RANBP17: variants seen among roughly 807,000 people sequenced by gnomAD.
The protein encoded by RANBP17 is ran-binding protein 17.
A neutral mutation model predicts 141.2 loss-of-function variants in RANBP17; 158 were observed. That is an observed-to-expected ratio of 1.12 (90% confidence interval 0.98 to 1.28). The LOEUF (loss-of-function observed/expected upper bound fraction) is 1.28. Among genes scored for constraint, RANBP17 ranks in the 50% most tolerant of loss-of-function variants. RANBP17 has a pLI of 0.00. For synonymous variants in RANBP17, 430 were observed against 450.0 expected (o/e 0.96, Z 0.56); for missense variants, 1,438 against 1,290.7 (o/e 1.11, Z -1.75).
intron 14 of RANBP17, chr5:170,970,577 T>C (rs1169291976): frequency 1.3e-5 from 2 of 152,162 alleles, no homozygotes; most frequent in Non-Finnish European, 2.9e-5. Context: ...TGTTCCATTA[T>C]TGGAACGCTA....
At chr5:170,977,096 C>T (rs1424742301) in intron 14 of RANBP17, among the ~76,000 whole-genome samples, 2 of 151,978 alleles carry the variant, frequency 1.3e-5, no homozygotes, top group African/African-American at 4.8e-5. Context: ...TCATATATTT[C>T]ATAAAGGTCT....
chr5:171,152,410 C>CT (rs955450825), intron 14 of RANBP17, among the ~76,000 whole-genome samples: 2 of 147,602 alleles, frequency 1.4e-5, no homozygotes, highest in Non-Finnish European at 3.0e-5. Flanking sequence ...GAACGAGACT[C>CT]TATCTCAAAA....
chr5:171,185,815 CA>C (rs1561743086), intron 18 of RANBP17, among the ~76,000 whole-genome samples: 2 of 152,178 alleles, frequency 1.3e-5, no homozygotes. Context: ...CACTGAATAA[CA>C]AATGTTCTTA....
At chr5:171,008,596 TA>T (rs1485062632) in intron 14 of RANBP17, among the ~76,000 whole-genome samples, 3 of 152,084 alleles carry the variant, frequency 2.0e-5, no homozygotes, top group Non-Finnish European at 4.4e-5. Flanking sequence ...GTTTTGCGGG[TA>T]GGGGGTGAAT....
At chr5:170,933,405 C>G (rs1252842238) in intron 12 of RANBP17, among the ~76,000 whole-genome samples, 1 of 152,108 alleles carries the variant, frequency 6.6e-6, no homozygotes, top group Non-Finnish European at 1.5e-5. Flanking sequence ...TTTTGTGTCT[C>G]TATTTCCTTC....
In RANBP17 at chr5:171,259,882, G is replaced by GTAATCC. The variant is rs1766171072; in HGVS notation, c.2777-5799_2777-5798insTAATCC. Among the ~76,000 whole-genome samples, 4 of 152,082 alleles carry GTAATCC rather than the reference G, an allele frequency of 2.6e-5. No individual in the cohort carries two copies. In the South Asian group the frequency reaches 6.2e-4, roughly 24 times the overall value. ...TGTAATCCCAGCTACTCAGGAGGCT[G>GTAATCC]CAGCAGGAGAATGGCTTGAACCTGG... On this transcript the variant is annotated intron_variant, in intron 24 of 27. Coordinates refer to ENST00000523189, the MANE Select transcript of RANBP17 (RefSeq NM_022897.5).
At chr5:170,947,455 G>A (rs1405513534) in intron 12 of RANBP17, among the ~76,000 whole-genome samples, 1 of 152,126 alleles carries the variant, frequency 6.6e-6, no homozygotes, top group Non-Finnish European at 1.5e-5. Context: ...AAAATGTTAA[G>A]TGCTAAGATT....
At chr5:170,984,982 GACAC>G (rs1222010452) in intron 14 of RANBP17, among the ~76,000 whole-genome samples, 2 of 151,172 alleles carry the variant, frequency 1.3e-5, no homozygotes, top group Non-Finnish European at 3.0e-5. Context: ...CACACACAAA[GACAC>G]ACACATATAC....
At chr5:171,088,127 G>A (rs1199005633) in intron 14 of RANBP17, among the ~76,000 whole-genome samples, 2 of 151,800 alleles carry the variant, frequency 1.3e-5, no homozygotes, top group African/African-American at 4.8e-5. Flanking sequence ...CATGTTTAGT[G>A]CTTCCTTCAG....
At position 170,865,753 on chromosome 5, in the gene RANBP17, G is replaced by T. The variant is rs1767199559; in HGVS notation, c.18+3702G>T. On this transcript the variant is annotated intron_variant, in intron 1 of 27. Transcript: ENST00000523189. Reference sequence around the variant, plus strand: ...CTTCTCAGACCAAGTGCAAGTTTGGGGGTTTCCCAAAACCACCCTCAGGTT... The same window carrying T: ...CTTCTCAGACCAAGTGCAAGTTTGGTGGTTTCCCAAAACCACCCTCAGGTT... 2.0e-5 allele frequency among the ~76,000 whole-genome samples: 3 copies of T among 152,124 alleles called. No homozygotes were observed. The South Asian group carries it at 6.2e-4, about 32-fold the overall frequency.
At chr5:171,038,499 G>A (rs1782032958) in intron 14 of RANBP17, among the ~76,000 whole-genome samples, 3 of 152,074 alleles carry the variant, frequency 2.0e-5, no homozygotes, top group Non-Finnish European at 4.4e-5. Flanking sequence ...ATAGGGTGGT[G>A]AAAGTGGGCA....
intron 14 of RANBP17, among the ~76,000 whole-genome samples, chr5:171,006,406 C>T (rs1779611178): frequency 6.6e-6 from 1 of 152,132 alleles, no homozygotes; most frequent in Admixed American, 6.5e-5. Flanking sequence ...CCATGGAATA[C>T]TATGCAGCCA....
chr5:170,896,132 A>G lies in RANBP17; in HGVS notation c.489+17A>G. On this transcript the variant is annotated intron_variant, in intron 5 of 27. Transcript: ENST00000523189. ...ATGAACCTGGTAAGCGAGCCTTTCC[A>G]TCTAACAGGAGCCTGAGTTTGCTTA... 6.4e-7 allele frequency: 1 copy of G among 1,564,184 alleles called. No homozygotes were observed. Among genetic ancestry groups the G allele is most frequent in the South Asian group, 1.2e-5 (1 of 86,494 alleles).
intron 14 of RANBP17, among the ~76,000 whole-genome samples, chr5:171,090,233 G>A (rs1048845344): frequency 1.3e-5 from 2 of 152,192 alleles, no homozygotes; most frequent in African/African-American, 4.8e-5. Flanking sequence ...GGCTGAGGTG[G>A]TCTCAGATGG....
chr5:171,242,895 C>A, intron 24 of RANBP17, 75 bp downstream of exon 24: 1 of 1,337,416 alleles, frequency 7.5e-7, no homozygotes, highest in South Asian at 1.2e-5. Flanking sequence ...ATTATTGAGA[C>A]TATCATCCTA....
At chr5:171,216,310 T>C (rs1285162765) in intron 21 of RANBP17, among the ~76,000 whole-genome samples, 1 of 152,200 alleles carries the variant, frequency 6.6e-6, no homozygotes, top group Non-Finnish European at 1.5e-5. Context: ...TGTAGCCTTG[T>C]AGTATAGTAT....
chr5:171,262,057 A>C (rs1466403302), intron 24 of RANBP17, among the ~76,000 whole-genome samples: 1 of 152,206 alleles, frequency 6.6e-6, no homozygotes, highest in African/African-American at 2.4e-5. Flanking sequence ...TAAAGTGTTT[A>C]CCTGGCTTTT....
chr5:170,985,460 A>C (rs1778082720), intron 14 of RANBP17, among the ~76,000 whole-genome samples: 1 of 152,210 alleles, frequency 6.6e-6, no homozygotes, highest in East Asian at 1.9e-4. Flanking sequence ...AGCAAGAAGT[A>C]ATTCCCTTTC....
intron 12 of RANBP17, among the ~76,000 whole-genome samples, chr5:170,928,782 T>TC (rs1773123473): frequency 6.9e-6 from 1 of 144,638 alleles, no homozygotes; most frequent in Non-Finnish European, 1.5e-5. Flanking sequence ...TTTTTTTTTT[T>TC]CAAAACCGTT....
Sources: allele counts gnomAD v4.1 joint callset (sites outside exome capture counted in the v4.1 genomes callset), GRCh38; gene constraint gnomAD v4.1.1; transcripts MANE v1.5; gene names NCBI Gene and HGNC (gene_info 2026-07-23, HGNC 2026-07-21).